The following ANP32B variants were observed in gnomAD, a reference collection of about 807,000 sequenced individuals.
ANP32B encodes acidic nuclear phosphoprotein 32 family member B.
Under a neutral mutation model 32.2 loss-of-function variants are expected in ANP32B, and 6 were observed. The ratio of observed to expected loss-of-function variants is 0.19; its 90% CI spans 0.10 to 0.37. ANP32B has a LOEUF of 0.37. ANP32B is among the 10% of genes least tolerant of loss of function. ANP32B has a pLI of 1.00. For missense variants in ANP32B, 204 were observed against 289.2 expected (o/e 0.71, Z 2.14); for synonymous variants, 98 against 105.8 (o/e 0.93, Z 0.45).
At chr9:97,983,701 C>G in intron 1 of ANP32B, 92 bp downstream of exon 1, 1 of 1,093,142 alleles carries the variant, frequency 9.1e-7, no homozygotes, top group Non-Finnish European at 1.3e-6. Context: ...TTCGCCGGCC[C>G]CGGCGCGGGG....
Position 98,015,376 on chromosome 9 carries a change from G to T in ANP32B, c.701G>T (p.Gly234Val). The change falls in exon 7 of 7, where the codon GGT (glycine) becomes GTT (valine). Residue 234 changes from glycine (G) to valine (V), a missense_variant. Physicochemically the swap from Gly to Val is moderately radical, Grantham distance 109. Transcript: ENST00000339399. ...DEDEDEEEEEGGKGEKRKRET... is the reference protein window; with the variant it reads ...DEDEDEEEEEVGKGEKRKRET... Reference sequence around the variant, plus strand: ...TGTTACTGTACAGAGGAGGAAGAAGGTGGGAAAGGTGAAAAGAGGAAGAGA... The same window carrying T: ...TGTTACTGTACAGAGGAGGAAGAAGTTGGGAAAGGTGAAAAGAGGAAGAGA... The T allele has an allele frequency of 1.3e-6, 2 of 1,550,984 alleles. No individual in the cohort carries two copies. Among genetic ancestry groups the T allele is most frequent in the Non-Finnish European group, 1.7e-6 (2 of 1,146,820 alleles).
intron 2 of ANP32B, among the ~76,000 whole-genome samples, chr9:97,996,825 C>G (rs914920470): frequency 6.6e-6 from 1 of 151,790 alleles, no homozygotes; most frequent in Non-Finnish European, 1.5e-5. Flanking sequence ...GTTTCGAACT[C>G]CTGACCTCAG....
chr9:98,012,722 G>GGGTGGTGGT (rs942174470), intron 6 of ANP32B, among the ~76,000 whole-genome samples: 3 of 151,944 alleles, frequency 2.0e-5, no homozygotes, highest in African/African-American at 7.3e-5. Flanking sequence ...GTTTTTTTCG[G>GGGTGGTGGT]GGTGGTGGTG....
intron 1 of ANP32B, among the ~76,000 whole-genome samples, chr9:97,989,511 A>C (rs1207364687): frequency 1.3e-5 from 2 of 152,174 alleles, no homozygotes; most frequent in Admixed American, 6.5e-5. Context: ...TAACTCTTGG[A>C]TCAAATAGAT....
chr9:98,015,240 C>A, intron 6 of ANP32B, 124 bp from the exon 7 acceptor site: 1 of 1,389,672 alleles, frequency 7.2e-7, no homozygotes, highest in Non-Finnish European at 9.6e-7. Context: ...CTATATTAAT[C>A]TGATCAAGTT....
chr9:97,984,652 G>C (rs1488149510), intron 1 of ANP32B: 5 of 149,958 alleles, frequency 3.3e-5, no homozygotes, highest in African/African-American at 7.3e-5. Context: ...GCCCGCCCTC[G>C]GCGCTGGCTG....
chr9:97,991,325 G>A (rs534223496), intron 1 of ANP32B, among the ~76,000 whole-genome samples: 1 of 152,026 alleles, frequency 6.6e-6, no homozygotes, highest in East Asian at 1.9e-4. Context: ...ATGTTGCCCA[G>A]GTGACTCTTG....
intron 1 of ANP32B, among the ~76,000 whole-genome samples, chr9:97,994,274 C>A (rs1827872220): frequency 6.6e-6 from 1 of 152,186 alleles, no homozygotes; most frequent in African/African-American, 2.4e-5. Context: ...AGAGTGTCTT[C>A]ATTCTGCATT....
chr9:98,012,587 T>A, intron 6 of ANP32B, 115 bp downstream of exon 6: 1 of 1,444,924 alleles, frequency 6.9e-7, no homozygotes, highest in Non-Finnish European at 9.4e-7. Context: ...CTCTGGTGGT[T>A]TACACATTCA....
intron 6 of ANP32B, among the ~76,000 whole-genome samples, 173 bp downstream of exon 6, chr9:98,012,645 T>C (rs1828205966): frequency 1.3e-5 from 2 of 152,256 alleles, no homozygotes; most frequent in African/African-American, 4.8e-5. Context: ...TGGTGCAGGC[T>C]CCCTGCTGCT....
At chr9:97,984,487 G>C (rs1238684587) in intron 1 of ANP32B, 1 of 151,362 alleles carries the variant, frequency 6.6e-6, no homozygotes, top group Non-Finnish European at 1.5e-5. Context: ...GGCGCCCGGG[G>C]CCCCTGCCCT....
At chr9:97,989,125 T>G (rs1158453807) in intron 1 of ANP32B, among the ~76,000 whole-genome samples, 6 of 152,160 alleles carry the variant, frequency 3.9e-5, no homozygotes, top group Non-Finnish European at 1.5e-5. Context: ...CCCAGGGATA[T>G]TCCCATGACC....
chr9:98,003,266 C>T (rs926831354), intron 3 of ANP32B, among the ~76,000 whole-genome samples: 1 of 152,116 alleles, frequency 6.6e-6, no homozygotes, highest in Non-Finnish European at 1.5e-5. Context: ...TGCTGTAACC[C>T]TGCTGTGTGT....
In ANP32B at chr9:97,998,893, C is replaced by T. The variant is rs1339890335; in HGVS notation, c.327+215C>T. Among the ~76,000 whole-genome samples, 3 of 30,402 alleles carry T rather than the reference C, an allele frequency of 9.9e-5. 1 individual carries two copies. The highest frequency in any genetic ancestry group is 1.8e-4 in the Non-Finnish European group (3 of 16,982). The allele number at this position is 30,402 out of a possible 152,430, so 19.9% of individuals were successfully genotyped here. ...CGGGATCTCGGCTCACTGCAAGCTC[C>T]GCCTCCCGGGTTCACGCCATTCTCC... is the stretch of plus-strand genomic sequence containing the variant. On this transcript the variant is annotated intron_variant, in intron 3 of 6. Transcript: ENST00000339399.
chr9:97,983,926 G>A (rs918889026), intron 1 of ANP32B, among the ~76,000 whole-genome samples: 2 of 151,952 alleles, frequency 1.3e-5, no homozygotes, highest in African/African-American at 4.8e-5. Context: ...GAGGGAGGCG[G>A]GGGTTGTGTA....
chr9:98,015,771 C>G lies in ANP32B; in HGVS notation c.*340C>G. ...GAGATTGTAACAGCATTTTTACTTT[C>G]TGTACAACAAAAAAGCTTTGTAAAT... On this transcript the variant is annotated 3_prime_UTR_variant, in exon 7 of 7. Coordinates refer to ENST00000339399, the MANE Select transcript of ANP32B (RefSeq NM_006401.3). 2 of 996,522 alleles carry G rather than the reference C, an allele frequency of 2.0e-6. No homozygotes were observed. Among genetic ancestry groups the G allele is most frequent in the African/African-American group, 3.5e-5 (2 of 57,796 alleles). 61.7% of individuals were successfully genotyped at this position (996,522 alleles called of 1,614,324 possible). A position where few individuals can be genotyped will look rare whatever the true frequency, so the allele number is the denominator to read the frequency against.
chr9:98,010,840 ATT>A (rs11324852), intron 4 of ANP32B, among the ~76,000 whole-genome samples: 2,510 of 149,390 alleles, frequency 0.017, 68 homozygotes, highest in African/African-American at 0.056. Context: ...AAGGTACATG[ATT>A]TTTTTTTTTT....
At chr9:97,985,071 C>A (rs926276767) in intron 1 of ANP32B, among the ~76,000 whole-genome samples, 2 of 150,412 alleles carry the variant, frequency 1.3e-5, no homozygotes, top group Non-Finnish European at 3.0e-5. Context: ...CGCGAGCCCC[C>A]CCCCCGCCGC....
In ANP32B at chr9:97,994,758, C is replaced by A; in HGVS notation, c.182C>A (p.Pro61His). 6.3e-7 allele frequency: 1 copy of A among 1,597,618 alleles called. No homozygotes were observed. Among genetic ancestry groups the A allele is most frequent in the Admixed American group, 1.8e-5 (1 of 55,674 alleles). Residue 61 changes from proline to histidine, a missense_variant, in exon 2 of 7, where the codon CCC becomes CAC. Transcript: ENST00000339399. ...GGCTTGATCTCAGTTTCAAATCTCC[C>A]CAAGCTGCCTAAATTGAAAAAGGTA... Reference protein sequence around the residue: ...NVGLISVSNLPKLPKLKKLEL... With the variant: ...NVGLISVSNLHKLPKLKKLEL...
Sources: allele counts gnomAD v4.1 joint callset (sites outside exome capture counted in the v4.1 genomes callset), GRCh38; gene constraint gnomAD v4.1.1; transcripts MANE v1.5; gene names NCBI Gene and HGNC (gene_info 2026-07-23, HGNC 2026-07-21).